The following GRXCR2 variants were observed in gnomAD, a reference collection of about 807,000 sequenced individuals.
GRXCR2 encodes glutaredoxin and cysteine rich domain containing 2.
In GRXCR2, 23 loss-of-function variants were observed where a neutral mutation model predicts 24.8. The observed-to-expected ratio is 0.93, with a 90% confidence interval of 0.67 to 1.32. GRXCR2 has a LOEUF of 1.32. GRXCR2 is among the 40% of genes most tolerant of loss of function. The pLI is 0.00. For missense variants in GRXCR2, 315 were observed against 303.4 expected (o/e 1.04, Z -0.28); for synonymous variants, 130 against 116.1 (o/e 1.12, Z -0.77).
At chr5:145,883,804 C>A (rs892023023) in intron 2 of GRXCR2, among the ~76,000 whole-genome samples, 1 of 152,126 alleles carries the variant, frequency 6.6e-6, no homozygotes, top group Non-Finnish European at 1.5e-5. Flanking sequence ...GAAAGGATCA[C>A]CTGAGCCCAG....
rs1034898581 is a variant in GRXCR2 at position 145,927,247 on chromosome 5, G to C, written c.-70+8454C>G. 1.6e-3 allele frequency among the ~76,000 whole-genome samples: 245 copies of C among 152,046 alleles called. 1 individual carries two copies. The highest frequency in any genetic ancestry group is 5.3e-3 in the African/African-American group (219 of 41,510). On this transcript the variant is annotated intron_variant, in intron 2 of 3. Coordinates refer to the GRXCR2 transcript ENST00000639411. ...CCTTCTCCTGCCTAATTGCCCTGGC[G>C]AGAACTTTCAACACTATGTTGAATA...
intron 2 of GRXCR2, among the ~76,000 whole-genome samples, chr5:145,928,368 A>G (rs547026624): frequency 1.9e-3 from 283 of 152,304 alleles, no homozygotes; most frequent in African/African-American, 6.6e-3. Context: ...ATCTAGAACT[A>G]GAAATACCAT....
chr5:145,926,329 T>C (rs1036574381), intron 2 of GRXCR2, among the ~76,000 whole-genome samples: 1 of 152,146 alleles, frequency 6.6e-6, no homozygotes, highest in African/African-American at 2.4e-5. Context: ...TTTTAGTAAA[T>C]CTGTAATGAT....
chr5:145,875,913 C>T (rs148117793), upstream of GRXCR2, among the ~76,000 whole-genome samples: 152 of 152,202 alleles, frequency 1.0e-3, no homozygotes, highest in African/African-American at 3.3e-3. Flanking sequence ...TCTGTAATCC[C>T]AGCTACTCAG....
At chr5:145,875,432 C>T (rs113971343), upstream of GRXCR2, among the ~76,000 whole-genome samples, 789 of 152,068 alleles carry the variant, frequency 5.2e-3, 9 homozygotes, top group African/African-American at 0.018. Context: ...ACTTATAGTC[C>T]CAGCTACTCG....
chr5:145,907,349 G>A (rs917448101), intron 2 of GRXCR2, among the ~76,000 whole-genome samples: 5 of 151,794 alleles, frequency 3.3e-5, no homozygotes, highest in South Asian at 2.1e-4. Flanking sequence ...GCCAACATGG[G>A]GAAACCCCAT....
At chr5:145,873,256 A>G (rs752216533), upstream of GRXCR2, among the ~76,000 whole-genome samples, 4 of 152,154 alleles carry the variant, frequency 2.6e-5, no homozygotes, top group Non-Finnish European at 4.4e-5. Flanking sequence ...ACCTTTCTTA[A>G]CCTGAGGATG....
At chr5:145,925,818 A>G (rs915011398) in intron 2 of GRXCR2, among the ~76,000 whole-genome samples, 5 of 152,180 alleles carry the variant, frequency 3.3e-5, no homozygotes, top group Non-Finnish European at 7.4e-5. Flanking sequence ...ATAGAAAATC[A>G]TTCTAATTCT....
At chr5:145,871,685 A>G (rs1165988407) in intron 1 of GRXCR2, among the ~76,000 whole-genome samples, 1 of 152,208 alleles carries the variant, frequency 6.6e-6, no homozygotes, top group Admixed American at 6.5e-5. Context: ...TACCAATGCC[A>G]GTAAAGCCAG....
intron 2 of GRXCR2, among the ~76,000 whole-genome samples, chr5:145,883,064 C>T (rs1756725293): frequency 6.6e-6 from 1 of 151,058 alleles, no homozygotes; most frequent in African/African-American, 2.4e-5. Flanking sequence ...GGAGAGATAC[C>T]TAGTGTAAAT....
chr5:145,888,589 A>T (rs1048852141), intron 2 of GRXCR2, among the ~76,000 whole-genome samples: 1 of 152,226 alleles, frequency 6.6e-6, no homozygotes, highest in Non-Finnish European at 1.5e-5. Flanking sequence ...AATCTACATA[A>T]AAATATAAAA....
intron 2 of GRXCR2, among the ~76,000 whole-genome samples, chr5:145,891,911 G>A (rs974907405): frequency 2.6e-5 from 4 of 152,112 alleles, no homozygotes; most frequent in African/African-American, 9.7e-5. Flanking sequence ...ACCTCACACG[G>A]CCGGGTACTC....
intron 2 of GRXCR2, among the ~76,000 whole-genome samples, chr5:145,890,957 A>G (rs1332220506): frequency 6.6e-6 from 1 of 152,214 alleles, no homozygotes; most frequent in Non-Finnish European, 1.5e-5. Flanking sequence ...GAAATCAAGA[A>G]AAAGCAGGAG....
At chr5:145,889,909 C>T (rs562596895) in intron 2 of GRXCR2, among the ~76,000 whole-genome samples, 89 of 152,182 alleles carry the variant, frequency 5.8e-4, no homozygotes, top group African/African-American at 2.0e-3. Context: ...AAGAGATAAA[C>T]ATCTTAAAAA....
Position 145,880,888 on chromosome 5 carries a change from T to C in GRXCR2, c.-69-14160A>G, listed in dbSNP as rs1756690461. Among the ~76,000 whole-genome samples, 3 of 152,206 alleles carry C rather than the reference T, an allele frequency of 2.0e-5. No homozygotes were observed. The South Asian group carries it at 6.2e-4, about 31-fold the overall frequency. On this transcript the variant is annotated intron_variant, in intron 2 of 3. Transcript: ENST00000639411. ...GACTGGTTGAACATATGCAAATCAA[T>C]AAATGTAATCCATCACATAAACAGA...
At chr5:145,888,733 AT>A (rs1396327364) in intron 2 of GRXCR2, among the ~76,000 whole-genome samples, 1 of 152,240 alleles carries the variant, frequency 6.6e-6, no homozygotes, top group Non-Finnish European at 1.5e-5. Flanking sequence ...CATTTTATGC[AT>A]TTATATACAT....
In GRXCR2 at chr5:145,889,177, A is replaced by AAAGAAAG. The variant is rs879879701; in HGVS notation, c.-69-22456_-69-22450dup. On this transcript the variant is annotated intron_variant, in intron 2 of 3. Coordinates refer to the GRXCR2 transcript ENST00000639411. ...GACCGAGACTCTGTCTCAAAAAAAG[A>AAAGAAAG]AAGAAAGAAAGAAAGAAAGAAAGAA... Among the ~76,000 whole-genome samples, 441 of 86,360 alleles carry AAAGAAAG rather than the reference A, an allele frequency of 5.1e-3. 1 individual carries two copies. Among genetic ancestry groups the AAAGAAAG allele is most frequent in the Non-Finnish European group, 8.3e-3 (326 of 39,166 alleles). 56.7% of individuals were successfully genotyped at this position (86,360 alleles called of 152,430 possible). A position where few individuals can be genotyped will look rare whatever the true frequency, so the allele number is the denominator to read the frequency against.
intron 2 of GRXCR2, 28 bp from the exon 3 acceptor site, chr5:145,859,943 A>C (rs1383407102): frequency 6.5e-7 from 1 of 1,526,782 alleles, no homozygotes; most frequent in Non-Finnish European, 8.8e-7. Flanking sequence ...GGGTTTAGTT[A>C]AAGCAGCAGT....
intron 1 of GRXCR2, among the ~76,000 whole-genome samples, chr5:145,869,465 A>G (rs1311215249): frequency 6.6e-6 from 1 of 152,198 alleles, no homozygotes; most frequent in Non-Finnish European, 1.5e-5. Context: ...TTTCTTTGAT[A>G]AGAACCTGCT....
Sources: allele counts gnomAD v4.1 joint callset (sites outside exome capture counted in the v4.1 genomes callset), GRCh38; gene constraint gnomAD v4.1.1; transcripts MANE v1.5; gene names NCBI Gene and HGNC (gene_info 2026-07-23, HGNC 2026-07-21).